The following CTNND2 variants were observed in gnomAD, a reference collection of about 807,000 sequenced individuals.
The protein encoded by CTNND2 is catenin delta-2.
CTNND2 carries 22 observed loss-of-function variants against 144.4 expected under a neutral mutation model. The ratio of observed to expected loss-of-function variants is 0.15; its 90% confidence interval spans 0.11 to 0.22. CTNND2 has a LOEUF of 0.22. Among genes scored for constraint, CTNND2 ranks in the 10% least tolerant of loss-of-function variants. The probability of loss-of-function intolerance (pLI) is 1.00; values close to 1 mark genes in which losing one functional copy is unlikely to be tolerated. For synonymous variants in CTNND2, 751 were observed against 695.6 expected (o/e 1.08, Z -1.25); for missense variants, 1,353 against 1,618.8 (o/e 0.84, Z 2.82).
intron 14 of CTNND2, among the ~76,000 whole-genome samples, chr5:11,107,450 C>T (rs571841423): frequency 2.6e-5 from 4 of 152,246 alleles, no homozygotes; most frequent in African/African-American, 7.2e-5. Flanking sequence ...TAGCAGGCAA[C>T]GTGTGAGGCT....
intron 3 of CTNND2, among the ~76,000 whole-genome samples, chr5:11,422,994 T>G (rs1162296225): frequency 2.6e-5 from 4 of 152,154 alleles, no homozygotes; most frequent in African/African-American, 9.7e-5. Context: ...CTCATAACAG[T>G]ACATGAGAAA....
intron 3 of CTNND2, among the ~76,000 whole-genome samples, chr5:11,501,352 C>T (rs941207153): frequency 2.0e-5 from 3 of 152,158 alleles, no homozygotes; most frequent in African/African-American, 4.8e-5. Flanking sequence ...CCTACTCCTG[C>T]GAGAATGAGA....
At chr5:11,255,617 T>C (rs946058386) in intron 9 of CTNND2, among the ~76,000 whole-genome samples, 1 of 152,214 alleles carries the variant, frequency 6.6e-6, no homozygotes, top group Non-Finnish European at 1.5e-5. Flanking sequence ...TTACGCATTC[T>C]ATCTAGTAGG....
At chr5:11,496,816 T>C (rs1769994143) in intron 3 of CTNND2, among the ~76,000 whole-genome samples, 1 of 152,172 alleles carries the variant, frequency 6.6e-6, no homozygotes, top group East Asian at 1.9e-4. Flanking sequence ...CTTATAAGGT[T>C]CTTCAACATC....
intron 1 of CTNND2, among the ~76,000 whole-genome samples, chr5:11,859,389 C>G (rs368260759): frequency 6.6e-6 from 1 of 152,132 alleles, no homozygotes; most frequent in South Asian, 2.1e-4. Context: ...TAAATGACAA[C>G]GAAAATAGAA....
At chr5:11,809,203 T>C (rs1424310319) in intron 1 of CTNND2, among the ~76,000 whole-genome samples, 2 of 152,192 alleles carry the variant, frequency 1.3e-5, no homozygotes, top group Non-Finnish European at 2.9e-5. Context: ...GAACTGAATA[T>C]CAGATTCTAG....
chr5:11,849,708 G>A (rs1045319067), intron 1 of CTNND2, among the ~76,000 whole-genome samples: 7 of 152,168 alleles, frequency 4.6e-5, no homozygotes, highest in African/African-American at 1.7e-4. Context: ...TTGGAGGGTT[G>A]GAGAACTTGA....
At chr5:11,485,380 C>CGT (rs1561461953) in intron 3 of CTNND2, among the ~76,000 whole-genome samples, 1 of 146,682 alleles carries the variant, frequency 6.8e-6, no homozygotes, top group Non-Finnish European at 1.5e-5. Context: ...TGTGTGCGCG[C>CGT]GCGCGCGTGC....
At chr5:11,316,465 T>C (rs1012516375) in intron 9 of CTNND2, among the ~76,000 whole-genome samples, 1 of 83,442 alleles carries the variant, frequency 1.2e-5, no homozygotes, top group East Asian at 2.6e-4. Context: ...TTATCCACTA[T>C]TTTTTATTAT....
intron 2 of CTNND2, among the ~76,000 whole-genome samples, chr5:11,591,197 T>A (rs1317341919): frequency 6.6e-6 from 1 of 152,182 alleles, no homozygotes; most frequent in African/African-American, 2.4e-5. Flanking sequence ...ACCATCATTC[T>A]CTGTGAAGGT....
At chr5:11,271,936 G>T (rs1746060640) in intron 9 of CTNND2, among the ~76,000 whole-genome samples, 1 of 151,968 alleles carries the variant, frequency 6.6e-6, no homozygotes, top group Non-Finnish European at 1.5e-5. Flanking sequence ...ACTGTTTTGG[G>T]AATTGTACAA....
intron 11 of CTNND2, among the ~76,000 whole-genome samples, 176 bp from the exon 12 acceptor site, chr5:11,159,935 T>G (rs997602794): frequency 3.9e-5 from 6 of 152,204 alleles, no homozygotes; most frequent in African/African-American, 1.4e-4. Context: ...AAAAGCATTC[T>G]GTGAAAAATC....
At chr5:11,579,183 T>C (rs988968782) in intron 2 of CTNND2, among the ~76,000 whole-genome samples, 8 of 151,830 alleles carry the variant, frequency 5.3e-5, no homozygotes, top group African/African-American at 1.9e-4. Flanking sequence ...AAAATTCCTC[T>C]GCTGGGAACG....
intron 2 of CTNND2, among the ~76,000 whole-genome samples, chr5:11,608,249 C>T (rs1450559285): frequency 6.6e-6 from 1 of 152,148 alleles, no homozygotes; most frequent in East Asian, 1.9e-4. Flanking sequence ...TGGCCTAAGG[C>T]TTTAAACATC....
At chr5:11,409,408 G>A (rs2149834879) in intron 5 of CTNND2, among the ~76,000 whole-genome samples, 1 of 152,032 alleles carries the variant, frequency 6.6e-6, no homozygotes, top group Admixed American at 6.5e-5. Context: ...ACCTTTAAAA[G>A]TTATTTAATA....
chr5:11,514,737 T>G (rs1772004325), intron 3 of CTNND2, among the ~76,000 whole-genome samples: 1 of 152,200 alleles, frequency 6.6e-6, no homozygotes, highest in African/African-American at 2.4e-5. Flanking sequence ...TTGCTTCGAC[T>G]TGGAACTTTT....
intron 16 of CTNND2, among the ~76,000 whole-genome samples, chr5:11,070,670 C>T (rs1748160927): frequency 6.7e-6 from 1 of 148,660 alleles, no homozygotes; most frequent in Non-Finnish European, 1.5e-5. Context: ...CATAAGACAA[C>T]AGAATAATAT....
chr5:11,662,979 TG>T (rs747725721), intron 2 of CTNND2, among the ~76,000 whole-genome samples: 18 of 152,202 alleles, frequency 1.2e-4, no homozygotes, highest in Non-Finnish European at 1.5e-4. Flanking sequence ...CAGAGCATTA[TG>T]TCAAGACCAG....
intron 2 of CTNND2, among the ~76,000 whole-genome samples, chr5:11,714,292 C>G (rs1252639441): frequency 6.6e-6 from 1 of 152,074 alleles, no homozygotes; most frequent in East Asian, 1.9e-4. Context: ...TTTTTATTTT[C>G]CTAGGGATAA....
Sources: allele counts gnomAD v4.1 joint callset (sites outside exome capture counted in the v4.1 genomes callset), GRCh38; gene constraint gnomAD v4.1.1; transcripts MANE v1.5; gene names NCBI Gene and HGNC (gene_info 2026-07-23, HGNC 2026-07-21).